Variants in NHLRC1 observed in about 807,000 individuals in gnomAD.
The protein encoded by NHLRC1 is NHL repeat containing E3 ubiquitin protein ligase 1, also known as E3 ubiquitin-protein ligase NHLRC1.
Under a neutral mutation model 14.6 loss-of-function variants are expected in NHLRC1, and 10 were observed. The observed-to-expected ratio is 0.69, with a 90% confidence interval of 0.42 to 1.17. The LOEUF (loss-of-function observed/expected upper bound fraction) is 1.17, where lower values mean the gene tolerates loss of function less well. Among genes scored for constraint, NHLRC1 ranks in the 50% most tolerant of loss-of-function variants. The pLI, the probability that NHLRC1 is intolerant of heterozygous loss-of-function variation, is 0.00. For missense variants in NHLRC1, 526 were observed against 522.9 expected (o/e 1.01, Z -0.06); for synonymous variants, 231 against 224.0 (o/e 1.03, Z -0.28).
chr6:18,121,850 T>C lies in NHLRC1; in HGVS notation c.757A>G (p.Arg253Gly), dbSNP rs1311254078. The C allele has an allele frequency of 5.0e-6, 8 of 1,613,938 alleles. No individual in the cohort carries two copies. The highest frequency in any genetic ancestry group is 1.7e-5 in the Admixed American group (1 of 60,000). ...DVDFAEGVLR[R>G]TERLQAHLCN... is the part of the protein sequence containing the mutation. ...AGATGAGCTTGCAACCTTTCAGTTC[T>C]CCGAAGGACCCCTTCCGCGAAGTCG... Residue 253 changes from arginine (R) to glycine (G), a missense_variant, in exon 1 of 1, where the codon AGA becomes GGA. Transcript: ENST00000340650. The surrounding 1 kb of genome is among the most constrained non-coding windows in gnomAD (Gnocchi z 4.7).
chr6:18,120,877 A>G lies in NHLRC1; in HGVS notation c.*542T>C, dbSNP rs889578410. 4 of 156,946 alleles carry G rather than the reference A, an allele frequency of 2.5e-5. No homozygotes were observed. The South Asian group carries it at 5.7e-4, about 22-fold the overall frequency. The allele number at this position is 156,946 out of a possible 1,614,324, so 9.7% of individuals were successfully genotyped here. A position where few individuals can be genotyped will look rare whatever the true frequency, so the allele number is the denominator to read the frequency against. ...TTTTCTCACTTGTACAATGAGATTA[A>G]TAATAAAAATTATGGCTGAGCAAGT... is the stretch of plus-strand genomic sequence containing the variant. On this transcript the variant is annotated 3_prime_UTR_variant, in exon 1 of 1. Transcript: ENST00000340650.
Position 18,121,616 on chromosome 6 carries a change from C to T in NHLRC1, c.991G>A (p.Gly331Arg). The T allele has an allele frequency of 6.2e-7, 1 of 1,614,174 alleles. No homozygotes were observed. Among genetic ancestry groups the T allele is most frequent in the South Asian group, 1.1e-5 (1 of 91,086 alleles). ...TASAVTFDHQ[G>R]NVIVADTSGP... ...GATGTATCTGCAACAATCACATTTC[C>T]CTGGTGATCAAAGGTCACAGCGGAG... Residue 331 changes from glycine (G) to arginine (R), a missense_variant, in exon 1 of 1, where the codon GGA becomes AGA. Transcript: ENST00000340650. The surrounding 1 kb of genome is among the most constrained non-coding windows in gnomAD (Gnocchi z 4.7).
In NHLRC1 at chr6:18,121,435, T is replaced by G. The variant is rs752924111; in HGVS notation, c.1172A>C (p.Lys391Thr). The change falls in exon 1 of 1, where the codon AAA (lysine) becomes ACA (threonine). Residue 391 changes from lysine to threonine, a missense_variant. Transcript: ENST00000340650. This position sits in a 1 kb window ranked among gnomAD's most constrained non-coding sequence, Gnocchi z 4.7. The part of the protein sequence containing the change: ...DTASHSIKVY[K>T]VDWG ...CCCAGCCCATCACCCCCAGTCAACT[T>G]TATAGACTTTTATAGAATGAGATGC... 1 of 1,613,826 alleles carries G rather than the reference T, an allele frequency of 6.2e-7. No individual in the cohort carries two copies. The highest frequency in any genetic ancestry group is 2.2e-5 in the East Asian group (1 of 44,868).
In NHLRC1 at chr6:18,121,814, G is replaced by T. The variant is rs121917875; in HGVS notation, c.793C>A (p.Arg265=). 1 of 1,613,882 alleles carries T rather than the reference G, an allele frequency of 6.2e-7. No homozygotes were observed. The highest frequency in any genetic ancestry group is 8.5e-7 in the Non-Finnish European group (1 of 1,180,014). ...GTGAGCCAAGACACTGCCACCCCTC[G>T]GGGATTGCACAGATGAGCTTGCAAC... ...ERLQAHLCNP[R]GVAVSWLTGA... The change falls in exon 1 of 1, where the codon CGA becomes AGA. Residue 265 remains arginine, a synonymous_variant. Coordinates refer to ENST00000340650, the MANE Select transcript of NHLRC1 (RefSeq NM_198586.3). The surrounding 1 kb of genome is among the most constrained non-coding windows in gnomAD (Gnocchi z 4.7).
In NHLRC1 at chr6:18,121,349, T is replaced by G; in HGVS notation, c.*70A>C. On this transcript the variant is annotated 3_prime_UTR_variant, in exon 1 of 1. Transcript: ENST00000340650. The surrounding 1 kb of genome is among the most constrained non-coding windows in gnomAD (Gnocchi z 4.7). ...GCCTGGATAGATGAGTTTAAGTGAC[T>G]TATCCAGGGTTAAACAATTCATTAA... is the stretch of plus-strand genomic sequence containing the variant. The G allele has an allele frequency of 8.5e-7, 1 of 1,173,830 alleles. No individual in the cohort carries two copies. The highest frequency in any genetic ancestry group is 1.3e-6 in the Non-Finnish European group (1 of 788,614). 72.7% of individuals were successfully genotyped at this position (1,173,830 alleles called of 1,614,324 possible).
In NHLRC1 at chr6:18,121,770, C is replaced by T. The variant is rs140066702; in HGVS notation, c.837G>A (p.Leu279=). 20 of 1,614,046 alleles carry T rather than the reference C, an allele frequency of 1.2e-5. No homozygotes were observed. The highest frequency in any genetic ancestry group is 1.6e-5 in the Non-Finnish European group (19 of 1,180,014). The change falls in exon 1 of 1, where the codon CTG becomes CTA. Residue 279 remains leucine (L), a synonymous_variant. Coordinates refer to ENST00000340650, the MANE Select transcript of NHLRC1 (RefSeq NM_198586.3). The surrounding 1 kb of genome is among the most constrained non-coding windows in gnomAD (Gnocchi z 4.7). ...CAGTCCCCAGGGCCAGGGGGTGCTC[C>T]AGGACCGCAATGGCCCCGGTGAGCC... is the stretch of plus-strand genomic sequence containing the variant. ...VSWLTGAIAV[L]EHPLALGTGV...
chr6:18,121,327 TG>T lies in NHLRC1; in HGVS notation c.*91del. The T allele has an allele frequency of 2.2e-6, 2 of 928,848 alleles. No homozygotes were observed. Among genetic ancestry groups the T allele is most frequent in the Non-Finnish European group, 3.5e-6 (2 of 579,548 alleles). The allele number at this position is 928,848 out of a possible 1,614,324, so 57.5% of individuals were successfully genotyped here. On this transcript the variant is annotated 3_prime_UTR_variant, in exon 1 of 1. Transcript: ENST00000340650. This position sits in a 1 kb window ranked among gnomAD's most constrained non-coding sequence, Gnocchi z 4.7. The stretch of plus-strand genomic sequence containing the variant: ...CCAGATGGTTTTAATTATCCCTGCC[TG>T]GATAGATGAGTTTAAGTGACTTATC...
Position 18,121,780 on chromosome 6 carries a change from A to G in NHLRC1, c.827T>C (p.Ile276Thr). 2 of 1,613,996 alleles carry G rather than the reference A, an allele frequency of 1.2e-6. No homozygotes were observed. The highest frequency in any genetic ancestry group is 1.3e-5 in the African/African-American group (1 of 75,032). Residue 276 changes from isoleucine to threonine, a missense_variant, in exon 1 of 1, where the codon ATT (isoleucine) becomes ACT (threonine). Transcript: ENST00000340650. This position sits in a 1 kb window ranked among gnomAD's most constrained non-coding sequence, Gnocchi z 4.7. ...GVAVSWLTGA[I>T]AVLEHPLALG... ...GGCCAGGGGGTGCTCCAGGACCGCA[A>G]TGGCCCCGGTGAGCCAAGACACTGC...
chr6:18,122,236 C>A lies in NHLRC1; in HGVS notation c.371G>T (p.Gly124Val). ...LTCHHTFGGW[G>V]TLVNPTGLAL... ...CAGTCCGGTGGGGTTGACCAGGGTC[C>A]CCCAGCCGCCGAAGGTGTGGTGGCA... Residue 124 changes from glycine (G) to valine (V), a missense_variant, in exon 1 of 1, where the codon GGG becomes GTG. Gly to Val is a moderately radical substitution (Grantham distance 109, BLOSUM62 -3). Coordinates refer to ENST00000340650, the MANE Select transcript of NHLRC1 (RefSeq NM_198586.3). 6.2e-7 allele frequency: 1 copy of A among 1,610,650 alleles called. No homozygotes were observed. The highest frequency in any genetic ancestry group is 8.5e-7 in the Non-Finnish European group (1 of 1,179,914).
Position 18,122,577 on chromosome 6 carries a change from T to A in NHLRC1, c.30A>T (p.Pro10=). 1 of 1,596,736 alleles carries A rather than the reference T, an allele frequency of 6.3e-7. No homozygotes were observed. Among genetic ancestry groups the A allele is most frequent in the Non-Finnish European group, 8.5e-7 (1 of 1,179,456 alleles). The change falls in exon 1 of 1, where the codon CCA becomes CCT. Residue 10 remains proline (P), a synonymous_variant. Coordinates refer to ENST00000340650, the MANE Select transcript of NHLRC1 (RefSeq NM_198586.3). The part of the protein sequence containing the change: MAAEASESG[P]ALHELMREAE... ...CCTCGCGCATGAGCTCATGCAGCGC[T>A]GGCCCGCTCTCCGAGGCTTCGGCCG...
chr6:18,121,736 T>A lies in NHLRC1; in HGVS notation c.871A>T (p.Ser291Cys). The change falls in exon 1 of 1, where the codon AGC becomes TGC. Residue 291 changes from serine (S) to cysteine (C), a missense_variant. Ser to Cys is a moderately radical substitution (Grantham distance 112). Coordinates refer to ENST00000340650, the MANE Select transcript of NHLRC1 (RefSeq NM_198586.3). This position sits in a 1 kb window ranked among gnomAD's most constrained non-coding sequence, Gnocchi z 4.7. ...HPLALGTGVC[S>C]TRVKVFSSSM... is the part of the protein sequence containing the mutation. ...GAGCTAAACACTTTCACCCTGGTGC[T>A]GCAAACCCCAGTCCCCAGGGCCAGG... 1.2e-6 allele frequency: 2 copies of A among 1,614,072 alleles called. No individual in the cohort carries two copies. The highest frequency in any genetic ancestry group is 1.3e-5 in the African/African-American group (1 of 75,046).
In NHLRC1 at chr6:18,121,335, TGA is replaced by T; in HGVS notation, c.*82_*83del. 1.0e-6 allele frequency: 1 copy of T among 988,186 alleles called. No individual in the cohort carries two copies. 61.2% of individuals were successfully genotyped at this position (988,186 alleles called of 1,614,324 possible). On this transcript the variant is annotated 3_prime_UTR_variant, in exon 1 of 1. Coordinates refer to ENST00000340650, the MANE Select transcript of NHLRC1 (RefSeq NM_198586.3). The surrounding 1 kb of genome is among the most constrained non-coding windows in gnomAD (Gnocchi z 4.7). ...TTTTAATTATCCCTGCCTGGATAGA[TGA>T]GTTTAAGTGACTTATCCAGGGTTAA...
Position 18,122,474 on chromosome 6 carries a change from A to G in NHLRC1, c.133T>C (p.Ser45Pro), listed in dbSNP as rs1286937038. The G allele has an allele frequency of 6.3e-7, 1 of 1,596,786 alleles. No individual in the cohort carries two copies. The highest frequency in any genetic ancestry group is 2.2e-5 in the East Asian group (1 of 44,844). Residue 45 changes from serine to proline, a missense_variant, in exon 1 of 1, where the codon TCC becomes CCC. Transcript: ENST00000340650. ...HRQQRRPRNL[S>P]CGHVVCLACV... ...GCCAGGCAGACCACGTGGCCGCAGG[A>G]CAGGTTGCGCGGGCGCCGCTGCTGC... is the stretch of plus-strand genomic sequence containing the variant.
Position 18,121,820 on chromosome 6 carries a change from T to C in NHLRC1, c.787A>G (p.Asn263Asp), listed in dbSNP as rs749287999. The C allele has an allele frequency of 6.2e-7, 1 of 1,613,948 alleles. No homozygotes were observed. The highest frequency in any genetic ancestry group is 1.7e-5 in the Admixed American group (1 of 60,008). The change falls in exon 1 of 1, where the codon AAT becomes GAT. Residue 263 changes from asparagine to aspartate, a missense_variant. Coordinates refer to ENST00000340650, the MANE Select transcript of NHLRC1 (RefSeq NM_198586.3). This position sits in a 1 kb window ranked among gnomAD's most constrained non-coding sequence, Gnocchi z 4.7. ...RTERLQAHLCNPRGVAVSWLT... is the reference protein window; with the variant it reads ...RTERLQAHLCDPRGVAVSWLT... ...CAAGACACTGCCACCCCTCGGGGAT[T>C]GCACAGATGAGCTTGCAACCTTTCA...
At position 18,122,557 on chromosome 6, in the gene NHLRC1, C is replaced by T. The variant is rs1291758138; in HGVS notation, c.50G>A (p.Arg17His). 3.8e-6 allele frequency: 6 copies of T among 1,597,180 alleles called. No homozygotes were observed. Among genetic ancestry groups the T allele is most frequent in the Non-Finnish European group, 5.1e-6 (6 of 1,179,606 alleles). The change falls in exon 1 of 1, where the codon CGC (arginine) becomes CAC (histidine). Residue 17 changes from arginine to histidine, a missense_variant. Coordinates refer to ENST00000340650, the MANE Select transcript of NHLRC1 (RefSeq NM_198586.3). ...ESGPALHELMREAEISLLECK... is the reference protein window; with the variant it reads ...ESGPALHELMHEAEISLLECK... ...CTCGAGCAGGCTGATCTCCGCCTCGCGCATGAGCTCATGCAGCGCTGGCCC... is the reference window on the plus strand; with the variant it reads ...CTCGAGCAGGCTGATCTCCGCCTCGTGCATGAGCTCATGCAGCGCTGGCCC...
At position 18,121,647 on chromosome 6, in the gene NHLRC1, T is replaced by C. The variant is rs764389649; in HGVS notation, c.960A>G (p.Ile320Met). The C allele has an allele frequency of 6.2e-7, 1 of 1,614,166 alleles. No homozygotes were observed. The highest frequency in any genetic ancestry group is 8.5e-7 in the Non-Finnish European group (1 of 1,180,034). Residue 320 changes from isoleucine to methionine, a missense_variant, in exon 1 of 1, where the codon ATA becomes ATG. Transcript: ENST00000340650. The surrounding 1 kb of genome is among the most constrained non-coding windows in gnomAD (Gnocchi z 4.7). ...FGLSLYFPSK[I>M]TASAVTFDHQ... ...GATCAAAGGTCACAGCGGAGGCAGT[T>C]ATTTTGGAGGGAAAGTAGAGGCTCA...
At position 18,121,505 on chromosome 6, in the gene NHLRC1, C is replaced by A; in HGVS notation, c.1102G>T (p.Ala368Ser). ...MVTHGLSHPV[A>S]LTFTKENSLL... ...GAATTCTCCTTGGTGAAGGTAAGAG[C>A]CACAGGATGCGAAAGACCATGAGTG... is the stretch of plus-strand genomic sequence containing the variant. The change falls in exon 1 of 1, where the codon GCT becomes TCT. Residue 368 changes from alanine to serine, a missense_variant. Ala to Ser is a moderately conservative substitution (Grantham distance 99, BLOSUM62 1). Coordinates refer to ENST00000340650, the MANE Select transcript of NHLRC1 (RefSeq NM_198586.3). The surrounding 1 kb of genome is among the most constrained non-coding windows in gnomAD (Gnocchi z 4.7). 6.2e-7 allele frequency: 1 copy of A among 1,614,150 alleles called. No individual in the cohort carries two copies. Among genetic ancestry groups the A allele is most frequent in the Non-Finnish European group, 8.5e-7 (1 of 1,180,020 alleles).
Position 18,121,758 on chromosome 6 carries a change from CA to C in NHLRC1, c.848del (p.Leu283ArgfsTer12), listed in dbSNP as rs756437109. On this transcript the variant is annotated frameshift_variant, in exon 1 of 1. Coordinates refer to ENST00000340650, the MANE Select transcript of NHLRC1 (RefSeq NM_198586.3). LOFTEE classifies it high-confidence loss of function. The surrounding 1 kb of genome is among the most constrained non-coding windows in gnomAD (Gnocchi z 4.7). ...TGAIAVLEHPLALGTGVCSTR... is the reference protein window; with the variant it reads ...TGAIAVLEHPXALGTGVCSTR... Reference sequence around the variant, plus strand: ...TGCTGCAAACCCCAGTCCCCAGGGCCAGGGGGTGCTCCAGGACCGCAATGGC... The same window carrying C: ...TGCTGCAAACCCCAGTCCCCAGGGCCGGGGGTGCTCCAGGACCGCAATGGC... The C allele has an allele frequency of 5.0e-6, 8 of 1,613,954 alleles. No homozygotes were observed. Among genetic ancestry groups the C allele is most frequent in the South Asian group, 1.1e-5 (1 of 91,092 alleles).
Position 18,121,977 on chromosome 6 carries a change from G to T in NHLRC1, c.630C>A (p.Val210=), listed in dbSNP as rs2150702986. 6.2e-7 allele frequency: 1 copy of T among 1,614,234 alleles called. No homozygotes were observed. The highest frequency in any genetic ancestry group is 8.5e-7 in the Non-Finnish European group (1 of 1,180,034). Residue 210 remains valine (V), a synonymous_variant, in exon 1 of 1, where the codon GTC becomes GTA. Transcript: ENST00000340650. This position sits in a 1 kb window ranked among gnomAD's most constrained non-coding sequence, Gnocchi z 4.7. ...AAGGTAAGGAGAATTGGCCTCCAAT[G>T]ACAAGCTTGATCTGGCCAAAAAAAT... The part of the protein sequence containing the change: ...VFDFFGQIKL[V]IGGQFSLPWG...
Sources: gnomAD v4.1 joint callset for allele counts on GRCh38, gnomAD v4.1.1 for gene constraint, Gnocchi (gnomAD v3.1) non-coding constraint, MANE v1.5 for transcripts, NCBI Gene and HGNC (gene_info 2026-07-23, HGNC 2026-07-21) for gene names.